The following BRWD1 variants were observed in gnomAD, a reference collection of about 807,000 sequenced individuals.
The protein encoded by BRWD1 is bromodomain and WD repeat-containing protein 1.
In BRWD1, 82 loss-of-function variants were observed where a neutral mutation model predicts 251.2. That is an observed-to-expected ratio of 0.33 (90% CI 0.27 to 0.39). The LOEUF (loss-of-function observed/expected upper bound fraction) is 0.39. Among genes scored for constraint, BRWD1 ranks in the 10% least tolerant of loss-of-function variants. The probability of loss-of-function intolerance (pLI) is 1.00; values close to 1 mark genes in which losing one functional copy is unlikely to be tolerated. For missense variants in BRWD1, 2,233 were observed against 2,711.6 expected (o/e 0.82, Z 3.92); for synonymous variants, 918 against 902.8 (o/e 1.02, Z -0.30).
At position 39,218,136 on chromosome 21, in the gene BRWD1, G is replaced by C. The variant is rs1296773775; in HGVS notation, c.3659+16C>G. ...ATATAGCTTTTTAAACATTTTGAAA[G>C]CAGGTTTCTACTAACCTGTAAAATC... On this transcript the variant is annotated intron_variant, in intron 31 of 40. Coordinates refer to ENST00000342449, the MANE Select transcript of BRWD1 (RefSeq NM_033656.4). 1 of 1,582,424 alleles carries C rather than the reference G, an allele frequency of 6.3e-7. No individual in the cohort carries two copies.
intron 10 of BRWD1, among the ~76,000 whole-genome samples, chr21:39,277,683 C>T (rs2035321042): frequency 6.6e-6 from 1 of 152,136 alleles, no homozygotes; most frequent in Non-Finnish European, 1.5e-5. Flanking sequence ...ACTGCCTCAG[C>T]CTGCTGAGTA....
At chr21:39,276,035 AAAATAAAT>A in intron 12 of BRWD1, 130 bp downstream of exon 12, 1 of 715,022 alleles carries the variant, frequency 1.4e-6, no homozygotes, top group Non-Finnish European at 1.9e-6. Flanking sequence ...TCCATCTCAA[AAAATAAAT>A]AAATAAATAA....
Position 39,196,257 on chromosome 21 carries a change from G to A in BRWD1, c.*2C>T, listed in dbSNP as rs1461408755. 2.5e-6 allele frequency: 4 copies of A among 1,572,036 alleles called. No individual in the cohort carries two copies. Among genetic ancestry groups the A allele is most frequent in the Admixed American group, 1.9e-5 (1 of 53,348 alleles). On this transcript the variant is annotated 3_prime_UTR_variant, in exon 41 of 41. Transcript: ENST00000342449. ...CTTAAATGAACTGGCTTTCCCTCAA[G>A]GTCATAAGGTGCAACCATTGAAATC...
chr21:39,206,044 A>G, intron 37 of BRWD1, 64 bp downstream of exon 37: 1 of 1,487,172 alleles, frequency 6.7e-7, no homozygotes, highest in South Asian at 1.3e-5. Flanking sequence ...AGCCTGGGTG[A>G]CACAGTGAGA....
intron 10 of BRWD1, among the ~76,000 whole-genome samples, chr21:39,278,069 G>A (rs1245048308): frequency 5.9e-5 from 9 of 151,882 alleles, no homozygotes; most frequent in African/African-American, 1.9e-4. Flanking sequence ...GGCTGGGCTC[G>A]AATTCCTGGG....
chr21:39,306,181 T>G (rs1233449982), intron 4 of BRWD1, among the ~76,000 whole-genome samples: 2 of 151,558 alleles, frequency 1.3e-5, no homozygotes, highest in African/African-American at 4.9e-5. Flanking sequence ...GTGATTCTCC[T>G]GCCTCAGCCT....
intron 29 of BRWD1, 127 bp downstream of exon 29, chr21:39,224,281 A>G (rs2033295480): frequency 2.0e-6 from 1 of 511,394 alleles, no homozygotes; most frequent in African/African-American, 2.0e-5. Flanking sequence ...TTCTTTCAGT[A>G]AAGTTCAGTT....
At chr21:39,251,722 C>G (rs1351869060) in intron 19 of BRWD1, among the ~76,000 whole-genome samples, 2 of 152,166 alleles carry the variant, frequency 1.3e-5, no homozygotes, top group Non-Finnish European at 2.9e-5. Flanking sequence ...CACAGGTTGT[C>G]AATTTCACTG....
In BRWD1 at chr21:39,238,526, A is replaced by G. The variant is rs754031672; in HGVS notation, c.2529T>C (p.Asp843=). The G allele has an allele frequency of 1.2e-6, 2 of 1,613,736 alleles. No homozygotes were observed. Among genetic ancestry groups the G allele is most frequent in the Non-Finnish European group, 8.5e-7 (1 of 1,179,782 alleles). Residue 843 remains aspartate, a synonymous_variant, in exon 22 of 41, where the codon GAT becomes GAC. Coordinates refer to ENST00000342449, the MANE Select transcript of BRWD1 (RefSeq NM_033656.4). ...CACTTTTTCTGTCACTTCTCCATTCATCCTCTTCTGAAGAACCAGAACCTT... is the reference window on the plus strand; with the variant it reads ...CACTTTTTCTGTCACTTCTCCATTCGTCCTCTTCTGAAGAACCAGAACCTT... ...QSEGSGSSEE[D]EWRSDRKSES...
rs2031569385 is a variant in BRWD1, at chr21:39,191,823, C to G, written c.*4436G>C. The G allele has an allele frequency of 1.3e-5, 13 of 984,964 alleles. No individual in the cohort carries two copies. In the South Asian group the frequency reaches 5.2e-4, roughly 39 times the overall value. The allele number at this position is 984,964 out of a possible 1,614,324, so 61.0% of individuals were successfully genotyped here. ...CCTCTTCTCTTTGGCAGTCTAAAAT[C>G]TCATTTAAGGGCTTTAATAAATGAA... On this transcript the variant is annotated 3_prime_UTR_variant, in exon 41 of 41. Coordinates refer to ENST00000342449, the MANE Select transcript of BRWD1 (RefSeq NM_033656.4).
At chr21:39,252,589 C>T (rs1310923010) in intron 19 of BRWD1, among the ~76,000 whole-genome samples, 2 of 152,202 alleles carry the variant, frequency 1.3e-5, no homozygotes, top group African/African-American at 2.4e-5. Flanking sequence ...AATCAATTAT[C>T]GCCTTTATAA....
chr21:39,266,312 T>C (rs1379780411), intron 15 of BRWD1, among the ~76,000 whole-genome samples: 1 of 152,112 alleles, frequency 6.6e-6, no homozygotes, highest in Non-Finnish European at 1.5e-5. Context: ...GTATATATAT[T>C]ATATATTTTT....
At position 39,194,621 on chromosome 21, in the gene BRWD1, A is replaced by G. The variant is rs1265109067; in HGVS notation, c.*1638T>C. On this transcript the variant is annotated 3_prime_UTR_variant, in exon 41 of 41. Coordinates refer to ENST00000342449, the MANE Select transcript of BRWD1 (RefSeq NM_033656.4). ...ATGCATCAGAGTAGAAAGAAAATGT[A>G]CCTTCTACTATGTCAAATGGAATAG... 1.4e-5 allele frequency: 22 copies of G among 1,522,990 alleles called. No individual in the cohort carries two copies. Among genetic ancestry groups the G allele is most frequent in the Non-Finnish European group, 1.8e-5 (21 of 1,139,908 alleles). The allele number at this position is 1,522,990 out of a possible 1,614,324, so 94.3% of individuals were successfully genotyped here. A position where few individuals can be genotyped will look rare whatever the true frequency, so the allele number is the denominator to read the frequency against.
rs2036597374 is a variant in BRWD1, at chr21:39,313,585, G to A, written c.-94C>T. 4 of 1,045,856 alleles carry A rather than the reference G, an allele frequency of 3.8e-6. No homozygotes were observed. Among genetic ancestry groups the A allele is most frequent in the South Asian group, 3.3e-5 (1 of 30,046 alleles). 64.8% of individuals were successfully genotyped at this position (1,045,856 alleles called of 1,614,324 possible). On this transcript the variant is annotated 5_prime_UTR_variant, in exon 1 of 41. Transcript: ENST00000342449. ...CCGGGCTGGCGTCCCCTCTTCTCAG[G>A]CGCGCGCCGCCGCCGCCGCCGCCGC... is the stretch of plus-strand genomic sequence containing the variant.
At chr21:39,202,029 ACTT>A (rs1228602626) in intron 38 of BRWD1, among the ~76,000 whole-genome samples, 1 of 152,130 alleles carries the variant, frequency 6.6e-6, no homozygotes, top group Non-Finnish European at 1.5e-5. Flanking sequence ...GATTCTTAGT[ACTT>A]CTTAATTTTT....
At chr21:39,281,047 T>G (rs1356045933) in intron 8 of BRWD1, among the ~76,000 whole-genome samples, 2 of 151,926 alleles carry the variant, frequency 1.3e-5, no homozygotes, top group African/African-American at 4.8e-5. Flanking sequence ...AGGAATAATA[T>G]CAGCACAAGT....
At chr21:39,250,969 A>G in intron 19 of BRWD1, 80 bp from the exon 20 acceptor site, 1 of 805,236 alleles carries the variant, frequency 1.2e-6, no homozygotes, top group Non-Finnish European at 1.9e-6. Context: ...AACCAGTGTG[A>G]TTCTATAAAT....
intron 23 of BRWD1, among the ~76,000 whole-genome samples, chr21:39,234,969 G>C (rs978215541): frequency 6.6e-6 from 1 of 152,174 alleles, no homozygotes; most frequent in African/African-American, 2.4e-5. Context: ...TTACAGCAAT[G>C]GCCAGGCACA....
intron 4 of BRWD1, among the ~76,000 whole-genome samples, chr21:39,302,465 G>A (rs1311936814): frequency 1.3e-5 from 2 of 152,102 alleles, no homozygotes; most frequent in African/African-American, 4.8e-5. Context: ...TATAATATGT[G>A]GTAAGGCCGG....
Sources: gnomAD v4.1 joint callset for allele counts (sites outside exome capture counted in the v4.1 genomes callset) on GRCh38, gnomAD v4.1.1 for gene constraint, MANE v1.5 for transcripts, NCBI Gene and HGNC (gene_info 2026-07-23, HGNC 2026-07-21) for gene names.